The following NRIP3 variants were observed in gnomAD, a reference collection of about 807,000 sequenced individuals.
NRIP3 encodes the protein nuclear receptor-interacting protein 3.
Under a neutral mutation model 29.0 loss-of-function variants are expected in NRIP3, and 31 were observed. The ratio of observed to expected loss-of-function variants is 1.07; its 90% CI spans 0.80 to 1.44. NRIP3 has a LOEUF of 1.44. Ranked by LOEUF, NRIP3 falls within the 40% of genes most tolerant of loss-of-function variation. The probability of loss-of-function intolerance (pLI) is 0.00; values close to 1 mark genes in which losing one functional copy is unlikely to be tolerated. For missense variants in NRIP3, 314 were observed against 297.9 expected (o/e 1.05, Z -0.40); for synonymous variants, 131 against 118.3 (o/e 1.11, Z -0.70).
At chr11:8,984,583 A>C (rs1854480422) in intron 4 of NRIP3, among the ~76,000 whole-genome samples, 1 of 151,990 alleles carries the variant, frequency 6.6e-6, no homozygotes, top group African/African-American at 2.4e-5. Context: ...TATATTAAGT[A>C]ATTTTCCTAG....
chr11:8,983,242 T>C lies in NRIP3; in HGVS notation c.*303A>G. The C allele has an allele frequency of 4.1e-6, 2 of 490,352 alleles. No individual in the cohort carries two copies. The highest frequency in any genetic ancestry group is 7.3e-6 in the Non-Finnish European group (2 of 274,414). The allele number at this position is 490,352 out of a possible 1,614,324, so 30.4% of individuals were successfully genotyped here. A position where few individuals can be genotyped will look rare whatever the true frequency, so the allele number is the denominator to read the frequency against. ...GAACCTGGCAGCCCCTATACTTGAC[T>C]AATAAAAGCAAATTCCTGGAAGAAG... On this transcript the variant is annotated 3_prime_UTR_variant, in exon 7 of 7. Transcript: ENST00000309166.
At chr11:9,001,822 C>T (rs144956843) in intron 1 of NRIP3, among the ~76,000 whole-genome samples, 7 of 144,620 alleles carry the variant, frequency 4.8e-5, no homozygotes, top group Non-Finnish European at 7.4e-5. Context: ...TGTGCAATCA[C>T]TTGTACATTA....
rs866399935 is a variant in NRIP3, at chr11:9,003,977, A to T, written c.-42T>A. On this transcript the variant is annotated 5_prime_UTR_variant, in exon 1 of 7. Coordinates refer to ENST00000309166, the MANE Select transcript of NRIP3 (RefSeq NM_020645.3). ...GCCCGGTAGCCCACAGCCCCCCGGC[A>T]GCCTCAGCCTCGAGCTCCTCCAGCG... 11 of 1,445,216 alleles carry T rather than the reference A, an allele frequency of 7.6e-6. No homozygotes were observed. The highest frequency in any genetic ancestry group is 3.1e-5 in the East Asian group (1 of 32,624). The allele number at this position is 1,445,216 out of a possible 1,614,324, so 89.5% of individuals were successfully genotyped here.
intron 3 of NRIP3, 108 bp from the exon 4 acceptor site, chr11:8,985,958 G>A (rs1307331733): frequency 7.6e-7 from 1 of 1,322,710 alleles, no homozygotes; most frequent in Non-Finnish European, 1.1e-6. Flanking sequence ...GATCTCCTGG[G>A]ATTAATCTAC....
At chr11:8,984,409 C>A (rs1339819788) in intron 4 of NRIP3, among the ~76,000 whole-genome samples, 5 of 151,934 alleles carry the variant, frequency 3.3e-5, no homozygotes, top group Non-Finnish European at 7.4e-5. Context: ...ATTACCAGCA[C>A]CCACCACCAC....
At chr11:9,000,695 C>G (rs1854778253) in intron 1 of NRIP3, among the ~76,000 whole-genome samples, 1 of 151,962 alleles carries the variant, frequency 6.6e-6, no homozygotes, top group African/African-American at 2.4e-5. Context: ...TTTTATGAAC[C>G]TGGTAGCTAA....
rs923944859 is a variant in NRIP3, at chr11:8,981,376, G to C, written c.*2169C>G. On this transcript the variant is annotated 3_prime_UTR_variant, in exon 7 of 7. Transcript: ENST00000309166. ...CCAGCTACTTGGGAGGCTGAGGCAGGAGAATGGCATGAACCCGGGAGGCGG... is the reference window on the plus strand; with the variant it reads ...CCAGCTACTTGGGAGGCTGAGGCAGCAGAATGGCATGAACCCGGGAGGCGG... 3.3e-5 allele frequency: 5 copies of C among 151,558 alleles called. No individual in the cohort carries two copies. The highest frequency in any genetic ancestry group is 1.2e-4 in the African/African-American group (5 of 41,134). 9.4% of individuals were successfully genotyped at this position (151,558 alleles called of 1,614,324 possible). A position where few individuals can be genotyped will look rare whatever the true frequency, so the allele number is the denominator to read the frequency against.
Position 8,983,416 on chromosome 11 carries a change from G to T in NRIP3, c.*129C>A. 1 of 766,080 alleles carries T rather than the reference G, an allele frequency of 1.3e-6. No homozygotes were observed. The highest frequency in any genetic ancestry group is 2.2e-6 in the Non-Finnish European group (1 of 461,222). The allele number at this position is 766,080 out of a possible 1,614,324, so 47.5% of individuals were successfully genotyped here. ...GAGGTCTGAATGGGAAGGAGCCCCT[G>T]GAGCTTCTATTAGATGGAAGGACTT... On this transcript the variant is annotated 3_prime_UTR_variant, in exon 7 of 7. Coordinates refer to ENST00000309166, the MANE Select transcript of NRIP3 (RefSeq NM_020645.3).
At chr11:8,992,116 A>T (rs1854612769) in intron 1 of NRIP3, among the ~76,000 whole-genome samples, 1 of 152,248 alleles carries the variant, frequency 6.6e-6, no homozygotes, top group South Asian at 2.1e-4. Flanking sequence ...ATCTAGCTGT[A>T]AAAGCAGTTG....
Position 8,988,206 on chromosome 11 carries a change from C to T in NRIP3, c.251G>A (p.Trp84Ter). 1 of 1,614,116 alleles carries T rather than the reference C, an allele frequency of 6.2e-7. No homozygotes were observed. The highest frequency in any genetic ancestry group is 8.5e-7 in the Non-Finnish European group (1 of 1,180,000). The change falls in exon 2 of 7, where the codon TGG (tryptophan) becomes TAG (stop). Residue 84 changes from tryptophan to a stop codon, truncating the protein, a stop_gained. Transcript: ENST00000309166. LOFTEE classifies it high-confidence loss of function. ...ATTGAGTTTGTTCGTCTTAGAGGCC[C>T]AAGGGACACGGGGACCGCTTCGGAG... ...SKLRSGPRVP[W>*]ASKTNKLNQA...
Position 8,983,529 on chromosome 11 carries a change from A to G in NRIP3, c.*16T>C. On this transcript the variant is annotated 3_prime_UTR_variant, in exon 7 of 7. Coordinates refer to ENST00000309166, the MANE Select transcript of NRIP3 (RefSeq NM_020645.3). ...TGTGTATGCATGCACACGTGCAGAC[A>G]TGCTGCAGGCTGTAGTTATGCTTCT... 6.2e-7 allele frequency: 1 copy of G among 1,613,320 alleles called. No homozygotes were observed. Among genetic ancestry groups the G allele is most frequent in the South Asian group, 1.1e-5 (1 of 91,016 alleles).
intron 5 of NRIP3, 43 bp from the exon 6 acceptor site, chr11:8,984,012 G>A (rs1854466088): frequency 6.2e-7 from 1 of 1,601,888 alleles, no homozygotes; most frequent in Admixed American, 1.7e-5. Flanking sequence ...ATGAGTTCCT[G>A]TGTAAGAGGA....
chr11:8,987,464 C>A (rs1013955948), intron 3 of NRIP3, 84 bp downstream of exon 3: 2 of 979,134 alleles, frequency 2.0e-6, no homozygotes, highest in South Asian at 2.6e-5. Flanking sequence ...GCTGTAGAGA[C>A]CCTCACCATC....
At chr11:8,992,050 T>C (rs77316348) in intron 1 of NRIP3, among the ~76,000 whole-genome samples, 3,628 of 152,364 alleles carry the variant, frequency 0.024, 143 homozygotes, top group African/African-American at 0.084. Context: ...ACTTTTCCAC[T>C]AATACTGTTA....
chr11:8,985,058 T>C (rs948065238), intron 4 of NRIP3, among the ~76,000 whole-genome samples: 5 of 151,858 alleles, frequency 3.3e-5, no homozygotes, highest in Admixed American at 6.6e-5. Flanking sequence ...TCCATGTTGG[T>C]CAGGCTGGTC....
chr11:9,000,537 G>A (rs1471627757), intron 1 of NRIP3, among the ~76,000 whole-genome samples: 1 of 152,180 alleles, frequency 6.6e-6, no homozygotes, highest in Non-Finnish European at 1.5e-5. Context: ...GCAATCATAT[G>A]TAGGAAAGAA....
chr11:8,992,938 T>C (rs572649831), intron 1 of NRIP3, among the ~76,000 whole-genome samples: 4 of 151,986 alleles, frequency 2.6e-5, no homozygotes, highest in African/African-American at 9.6e-5. Context: ...TGATAGTACA[T>C]AATTTGTAAA....
At chr11:8,984,295 T>C (rs1033346298) in intron 4 of NRIP3, among the ~76,000 whole-genome samples, 171 bp from the exon 5 acceptor site, 2 of 151,914 alleles carry the variant, frequency 1.3e-5, no homozygotes, top group Non-Finnish European at 1.5e-5. Context: ...GGAGTTTCGC[T>C]CTTGTTGCCC....
rs765820250 is a variant in NRIP3, at chr11:9,003,788, T to G, written c.148A>C (p.Lys50Gln). 1 of 1,498,178 alleles carries G rather than the reference T, an allele frequency of 6.7e-7. No homozygotes were observed. The highest frequency in any genetic ancestry group is 1.5e-5 in the African/African-American group (1 of 68,906). The allele number at this position is 1,498,178 out of a possible 1,614,324, so 92.8% of individuals were successfully genotyped here. The change falls in exon 1 of 7, where the codon AAG (lysine) becomes CAG (glutamine). Residue 50 changes from lysine (K) to glutamine (Q), a missense_variant. Physicochemically the swap from Lys to Gln is moderately conservative, Grantham distance 53. Transcript: ENST00000309166. ...ATGTCCTTGGACGAGCCCAGCTTCT[T>G]GAGGCCGTCCAGGGGCAGCAGGTCG... ...SADLLPLDGL[K>Q]KLGSSKDMQP... is the part of the protein sequence containing the mutation.
Sources: gnomAD v4.1 joint callset for allele counts (sites outside exome capture counted in the v4.1 genomes callset) on GRCh38, gnomAD v4.1.1 for gene constraint, MANE v1.5 for transcripts, NCBI Gene and HGNC (gene_info 2026-07-23, HGNC 2026-07-21) for gene names.